The following RNF144B variants were observed in gnomAD, a reference collection of about 807,000 sequenced individuals.
RNF144B encodes the protein ring finger protein 144B.
A neutral mutation model predicts 40.2 loss-of-function variants in RNF144B; 25 were observed. The observed-to-expected ratio is 0.62, with a 90% CI of 0.45 to 0.87. The LOEUF is 0.87. Among genes scored for constraint, RNF144B ranks in the 40% least tolerant of loss-of-function variants. RNF144B has a pLI of 0.00. For synonymous variants in RNF144B, 145 were observed against 136.3 expected (o/e 1.06, Z -0.44); for missense variants, 365 against 373.7 (o/e 0.98, Z 0.19).
At chr6:18,432,347 G>C (rs1758713168) in intron 3 of RNF144B, among the ~76,000 whole-genome samples, 1 of 152,188 alleles carries the variant, frequency 6.6e-6, no homozygotes, top group African/African-American at 2.4e-5. Context: ...ATGGAAGCTG[G>C]TGAGAGACAG....
intron 2 of RNF144B, among the ~76,000 whole-genome samples, chr6:18,415,157 T>C (rs1795125377): frequency 6.6e-6 from 1 of 152,196 alleles, no homozygotes; most frequent in African/African-American, 2.4e-5. Context: ...AAAAATATAT[T>C]TTCTGTCCGT....
intron 4 of RNF144B, among the ~76,000 whole-genome samples, chr6:18,440,448 G>A (rs1758933716): frequency 6.6e-6 from 1 of 152,012 alleles, no homozygotes. Flanking sequence ...TATTGGACTG[G>A]TCTAGTCTCA....
chr6:18,442,617 C>T lies in RNF144B; in HGVS notation c.331+2873C>T, dbSNP rs34400210. Reference sequence around the variant, plus strand: ...ATGTGCAATTCAGTGACATTAATTACATTCATACAGTTGTGCAGCCATCAC... The same window carrying T: ...ATGTGCAATTCAGTGACATTAATTATATTCATACAGTTGTGCAGCCATCAC... On this transcript the variant is annotated intron_variant, in intron 4 of 7. Coordinates refer to ENST00000259939, the MANE Select transcript of RNF144B (RefSeq NM_182757.4). The surrounding 1 kb of genome is among the most constrained non-coding windows in gnomAD (Gnocchi z 4.3). Among the ~76,000 whole-genome samples the T allele has an allele frequency of 0.12, 18,266 of 152,190 alleles. 1,311 individuals are homozygous for T. The highest frequency in any genetic ancestry group is 0.19 in the Admixed American group (2,918 of 15,284).
rs1759348735 is a variant in RNF144B, at chr6:18,457,161, A to T, written c.338A>T (p.His113Leu). The T allele has an allele frequency of 2.5e-6, 4 of 1,612,838 alleles. No individual in the cohort carries two copies. The highest frequency in any genetic ancestry group is 3.4e-6 in the Non-Finnish European group (4 of 1,179,386). The change falls in exon 5 of 8, where the codon CAT (histidine) becomes CTT (leucine). Residue 113 changes from histidine (H) to leucine (L), a missense_variant. Coordinates refer to ENST00000259939, the MANE Select transcript of RNF144B (RefSeq NM_182757.4). The surrounding 1 kb of genome is among the most constrained non-coding windows in gnomAD (Gnocchi z 5.1). Reference sequence around the variant, plus strand: ...TTCTTTCTTTACACTTTAGAAGTTCATCTGGACCCCTACCGAACATGGTGT... The same window carrying T: ...TTCTTTCTTTACACTTTAGAAGTTCTTCTGGACCCCTACCGAACATGGTGT... Reference protein sequence around the residue: ...YQRLKFEREVHLDPYRTWCPV... With the variant: ...YQRLKFEREVLLDPYRTWCPV...
At position 18,387,518 on chromosome 6, in the gene RNF144B, G is replaced by C. The variant is rs1200158704; in HGVS notation, c.-149G>C. 7.6e-7 allele frequency: 1 copy of C among 1,314,396 alleles called. No homozygotes were observed. Among genetic ancestry groups the C allele is most frequent in the Non-Finnish European group, 1.0e-6 (1 of 1,003,630 alleles). 81.4% of individuals were successfully genotyped at this position (1,314,396 alleles called of 1,614,324 possible). ...TGTCAGCCGCAGAGCACGGAGGAAA[G>C]ACGGAGAGAATGGAAGAGCTCCTGT... On this transcript the variant is annotated 5_prime_UTR_variant, in exon 1 of 8. Coordinates refer to ENST00000259939, the MANE Select transcript of RNF144B (RefSeq NM_182757.4).
chr6:18,408,997 C>G (rs1048587554), intron 2 of RNF144B, among the ~76,000 whole-genome samples: 10 of 150,554 alleles, frequency 6.6e-5, no homozygotes, highest in Admixed American at 6.6e-4. Flanking sequence ...CAGGGTCTGC[C>G]TTTCATCCCA....
intron 3 of RNF144B, among the ~76,000 whole-genome samples, chr6:18,432,044 G>A (rs1199091319): frequency 3.9e-5 from 6 of 152,148 alleles, no homozygotes; most frequent in East Asian, 1.9e-4. Flanking sequence ...TACTGAACAC[G>A]TGCAGACTTT....
At position 18,459,263 on chromosome 6, in the gene RNF144B, C is replaced by A. The variant is rs574075342; in HGVS notation, c.537-344C>A. On this transcript the variant is annotated intron_variant, in intron 5 of 7. Coordinates refer to ENST00000259939, the MANE Select transcript of RNF144B (RefSeq NM_182757.4). This position sits in a 1 kb window ranked among gnomAD's most constrained non-coding sequence, Gnocchi z 4.2. ...AACAGACCATTAGATAGATTATATACGCCCAGTTTGGACCCTGACCTAGTT... is the reference window on the plus strand; with the variant it reads ...AACAGACCATTAGATAGATTATATAAGCCCAGTTTGGACCCTGACCTAGTT... Among the ~76,000 whole-genome samples, 1 of 152,174 alleles carries A rather than the reference C, an allele frequency of 6.6e-6. No homozygotes were observed. Among genetic ancestry groups the A allele is most frequent in the South Asian group, 2.1e-4 (1 of 4,830 alleles).
At chr6:18,388,047 A>G (rs1794499486) in intron 1 of RNF144B, among the ~76,000 whole-genome samples, 1 of 152,132 alleles carries the variant, frequency 6.6e-6, no homozygotes, top group Admixed American at 6.5e-5. Flanking sequence ...GTTAAAATCG[A>G]ACTGATTGTC....
rs555454421 is a variant in RNF144B at position 18,419,593 on chromosome 6, G to A, written c.166-7988G>A. Among the ~76,000 whole-genome samples, 1 of 152,196 alleles carries A rather than the reference G, an allele frequency of 6.6e-6. No individual in the cohort carries two copies. The highest frequency in any genetic ancestry group is 6.5e-5 in the Admixed American group (1 of 15,276). ...GAAGACAAGGGGAAAAAGGGTTTCA[G>A]GAAGGTGGGAGTGGTTAGCTGTGTG... On this transcript the variant is annotated intron_variant, in intron 2 of 7. Transcript: ENST00000259939. The surrounding 1 kb of genome is among the most constrained non-coding windows in gnomAD (Gnocchi z 4.6).
In RNF144B at chr6:18,405,231, T is replaced by C. The variant is rs896617528; in HGVS notation, c.165+5532T>C. ...CTCTGTTGCCCAGGCTGGAGTGCAG[T>C]GGCACAATCTCGGCTCACTGTAACT... On this transcript the variant is annotated intron_variant, in intron 2 of 7. Coordinates refer to ENST00000259939, the MANE Select transcript of RNF144B (RefSeq NM_182757.4). This position sits in a 1 kb window ranked among gnomAD's most constrained non-coding sequence, Gnocchi z 4.5. Among the ~76,000 whole-genome samples the C allele has an allele frequency of 1.3e-5, 2 of 151,834 alleles. No homozygotes were observed. The highest frequency in any genetic ancestry group is 1.9e-4 in the East Asian group (1 of 5,184).
chr6:18,429,912 G>C (rs1758656032), intron 3 of RNF144B, among the ~76,000 whole-genome samples: 1 of 152,124 alleles, frequency 6.6e-6, no homozygotes, highest in South Asian at 2.1e-4. Context: ...GGAGCTTCTG[G>C]TCCAGCAGAG....
At position 18,434,687 on chromosome 6, in the gene RNF144B, T is replaced by A. The variant is rs191171627; in HGVS notation, c.271-4997T>A. Among the ~76,000 whole-genome samples the A allele has an allele frequency of 2.3e-3, 352 of 152,308 alleles. 1 individual carries two copies. Among genetic ancestry groups the A allele is most frequent in the Non-Finnish European group, 2.4e-3 (160 of 68,032 alleles). On this transcript the variant is annotated intron_variant, in intron 3 of 7. Transcript: ENST00000259939. This position sits in a 1 kb window ranked among gnomAD's most constrained non-coding sequence, Gnocchi z 4.1. ...CCCAGGCTGGAATGCAGTGGTGCGA[T>A]CTCGGCTCACTGCAAGCTCCGCCTC...
intron 2 of RNF144B, among the ~76,000 whole-genome samples, chr6:18,413,810 ATAT>A (rs1795094119): frequency 6.6e-6 from 1 of 152,232 alleles, no homozygotes; most frequent in Admixed American, 6.5e-5. Context: ...ATGGAAAAAA[ATAT>A]TATAGCTTAA....
At position 18,456,585 on chromosome 6, in the gene RNF144B, T is replaced by A. The variant is rs1031181429; in HGVS notation, c.332-570T>A. 1.7e-4 allele frequency among the ~76,000 whole-genome samples: 26 copies of A among 152,246 alleles called. No homozygotes were observed. The highest frequency in any genetic ancestry group is 1.9e-4 in the African/African-American group (8 of 41,466). ...TTCTAAAAGTCTTGTGAATTTTGTTTACAGAGAACACTTTTTATCTGTTCA... is the reference window on the plus strand; with the variant it reads ...TTCTAAAAGTCTTGTGAATTTTGTTAACAGAGAACACTTTTTATCTGTTCA... On this transcript the variant is annotated intron_variant, in intron 4 of 7. Coordinates refer to ENST00000259939, the MANE Select transcript of RNF144B (RefSeq NM_182757.4). The surrounding 1 kb of genome is among the most constrained non-coding windows in gnomAD (Gnocchi z 4.7).
intron 4 of RNF144B, among the ~76,000 whole-genome samples, chr6:18,449,687 G>A (rs1184694227): frequency 7.5e-6 from 1 of 133,924 alleles, no homozygotes; most frequent in African/African-American, 2.8e-5. Context: ...TGTCTACAAC[G>A]TGTTTTGAAG....
Position 18,420,789 on chromosome 6 carries a change from G to A in RNF144B, c.166-6792G>A, listed in dbSNP as rs567646799. 2.2e-3 allele frequency among the ~76,000 whole-genome samples: 335 copies of A among 152,176 alleles called. 4 individuals are homozygous for A. Among genetic ancestry groups the A allele is most frequent in the African/African-American group, 7.5e-3 (312 of 41,510 alleles). On this transcript the variant is annotated intron_variant, in intron 2 of 7. Transcript: ENST00000259939. Reference sequence around the variant, plus strand: ...TGATTTTATGTGGCTTCCTTTTGAAGGGGAAAAGAATTGGAACTTAATATC... The same window carrying A: ...TGATTTTATGTGGCTTCCTTTTGAAAGGGAAAAGAATTGGAACTTAATATC...
rs1237724243 is a variant in RNF144B at position 18,419,299 on chromosome 6, G to C, written c.166-8282G>C. 1.3e-5 allele frequency among the ~76,000 whole-genome samples: 2 copies of C among 152,072 alleles called. No individual in the cohort carries two copies. Among genetic ancestry groups the C allele is most frequent in the Admixed American group, 1.3e-4 (2 of 15,258 alleles). On this transcript the variant is annotated intron_variant, in intron 2 of 7. Coordinates refer to ENST00000259939, the MANE Select transcript of RNF144B (RefSeq NM_182757.4). The surrounding 1 kb of genome is among the most constrained non-coding windows in gnomAD (Gnocchi z 4.6). ...GTTTCTTGTCCATAAAAACATACCA[G>C]GCTTAGATCATTTTCTTCGGGGGCA...
rs1389633648 is a variant in RNF144B, at chr6:18,466,604, C to G, written c.*1537C>G. 6.6e-6 allele frequency: 1 copy of G among 152,544 alleles called. No homozygotes were observed. The highest frequency in any genetic ancestry group is 1.9e-4 in the East Asian group (1 of 5,194). 9.4% of individuals were successfully genotyped at this position (152,544 alleles called of 1,614,324 possible). ...AATGTAGCCTGGTGCTTCATGAGAC[C>G]TATGCTAAATGTTACTGGAGAGTTC... On this transcript the variant is annotated 3_prime_UTR_variant, in exon 8 of 8. Coordinates refer to ENST00000259939, the MANE Select transcript of RNF144B (RefSeq NM_182757.4).
Sources: gnomAD v4.1 joint callset for allele counts (sites outside exome capture counted in the v4.1 genomes callset) on GRCh38, gnomAD v4.1.1 for gene constraint, Gnocchi (gnomAD v3.1) non-coding constraint, MANE v1.5 for transcripts, NCBI Gene and HGNC (gene_info 2026-07-23, HGNC 2026-07-21) for gene names.